Variants in FHIT observed in about 807,000 individuals in gnomAD.
The protein encoded by FHIT is bis(5'-adenosyl)-triphosphatase.
In FHIT, 19 loss-of-function variants were observed where a neutral mutation model predicts 17.9. The observed-to-expected ratio is 1.06, with a 90% CI of 0.74 to 1.56. The LOEUF is 1.56. Ranked by LOEUF, FHIT falls within the 40% of genes most tolerant of loss-of-function variation. The pLI is 0.00. For missense variants in FHIT, 248 were observed against 189.2 expected (o/e 1.31, Z -1.82); for synonymous variants, 81 against 69.7 (o/e 1.16, Z -0.81).
chr3:60,510,476 G>C (rs1390096734), intron 5 of FHIT, among the ~76,000 whole-genome samples: 3 of 152,154 alleles, frequency 2.0e-5, no homozygotes, highest in Non-Finnish European at 2.9e-5. Context: ...CATCTGCTGA[G>C]TATAATGGAC....
chr3:60,332,049 A>AAGTGCCACT (rs939934564), intron 5 of FHIT, among the ~76,000 whole-genome samples: 5 of 152,076 alleles, frequency 3.3e-5, no homozygotes, highest in African/African-American at 1.2e-4. Context: ...AAACTAGAAC[A>AAGTGCCACT]AGTGCCACTA....
intron 5 of FHIT, among the ~76,000 whole-genome samples, chr3:60,412,487 C>T (rs1273642345): frequency 6.6e-6 from 1 of 152,112 alleles, no homozygotes; most frequent in Non-Finnish European, 1.5e-5. Flanking sequence ...ATTTCCCTCT[C>T]TCTGCAGATT....
chr3:60,777,258 T>C (rs566313899), intron 4 of FHIT, among the ~76,000 whole-genome samples: 9 of 152,306 alleles, frequency 5.9e-5, no homozygotes, highest in Admixed American at 5.9e-4. Context: ...GGTCAGGGTA[T>C]AGCTTGGTTT....
intron 5 of FHIT, among the ~76,000 whole-genome samples, chr3:60,419,303 A>G (rs1441092700): frequency 2.0e-5 from 3 of 152,162 alleles, no homozygotes; most frequent in Non-Finnish European, 4.4e-5. Context: ...TCACCTCTCT[A>G]TCATTCTTAG....
intron 5 of FHIT, among the ~76,000 whole-genome samples, chr3:60,027,361 T>A (rs922353005): frequency 1.8e-4 from 28 of 152,264 alleles, no homozygotes; most frequent in African/African-American, 6.5e-4. Context: ...ATCCTAAAAT[T>A]CACTCTCATT....
chr3:61,182,869 G>C (rs2038385327), intron 2 of FHIT, among the ~76,000 whole-genome samples: 1 of 152,158 alleles, frequency 6.6e-6, no homozygotes, highest in African/African-American at 2.4e-5. Context: ...CATAGAGGAA[G>C]TCCTCTGTAC....
intron 8 of FHIT, among the ~76,000 whole-genome samples, chr3:59,848,125 C>G (rs764974869): frequency 6.6e-6 from 1 of 152,140 alleles, no homozygotes; most frequent in Non-Finnish European, 1.5e-5. Flanking sequence ...CCCACCGTGG[C>G]TCCCACAAGC....
intron 5 of FHIT, among the ~76,000 whole-genome samples, chr3:60,421,282 G>C (rs1702456027): frequency 6.6e-6 from 1 of 152,052 alleles, no homozygotes; most frequent in East Asian, 1.9e-4. Context: ...CTGATTTACT[G>C]TATCTAATCT....
intron 5 of FHIT, among the ~76,000 whole-genome samples, chr3:60,172,923 C>A (rs1186918714): frequency 2.0e-5 from 3 of 152,176 alleles, no homozygotes; most frequent in African/African-American, 7.2e-5. Context: ...AAGATTGCTA[C>A]CACATATTCT....
intron 5 of FHIT, among the ~76,000 whole-genome samples, chr3:60,526,145 C>T (rs1044974190): frequency 6.6e-6 from 1 of 151,244 alleles, no homozygotes; most frequent in Non-Finnish European, 1.5e-5. Context: ...CATACACACA[C>T]ACACACACAC....
chr3:59,772,236 T>C (rs1448732055), intron 8 of FHIT, among the ~76,000 whole-genome samples: 1 of 152,092 alleles, frequency 6.6e-6, no homozygotes, highest in African/African-American at 2.4e-5. Flanking sequence ...TTAGAAGACC[T>C]GGACTTGAGC....
At chr3:60,516,524 G>C (rs1040022214) in intron 5 of FHIT, among the ~76,000 whole-genome samples, 1 of 152,164 alleles carries the variant, frequency 6.6e-6, no homozygotes, top group Non-Finnish European at 1.5e-5. Flanking sequence ...AAGGACTCTA[G>C]AGTTAGACCA....
intron 4 of FHIT, among the ~76,000 whole-genome samples, chr3:60,588,890 A>G (rs1013152784): frequency 3.9e-5 from 6 of 152,072 alleles, no homozygotes; most frequent in Non-Finnish European, 2.9e-5. Flanking sequence ...GGAAGTCAGA[A>G]GTTTCCCAAG....
rs539192271 is a variant in FHIT at position 60,894,632 on chromosome 3, G to A, written c.-110-72621C>T. 3.4e-4 allele frequency among the ~76,000 whole-genome samples: 51 copies of A among 151,814 alleles called. 1 individual carries two copies. In the South Asian group the frequency reaches 9.8e-3, roughly 29 times the overall value. ...AGGCTCCTTGATATTCAAAGCTCTG[G>A]GGCTCGGCAAAAAATTCAAAGAGCT... On this transcript the variant is annotated intron_variant, in intron 3 of 9. Transcript: ENST00000492590.
intron 1 of FHIT, among the ~76,000 whole-genome samples, chr3:61,213,693 C>T (rs1303891773): frequency 6.6e-6 from 1 of 152,198 alleles, no homozygotes; most frequent in Non-Finnish European, 1.5e-5. Flanking sequence ...CCCAAAACAA[C>T]AGAACATACA....
At chr3:60,338,055 A>G (rs1471836827) in intron 5 of FHIT, among the ~76,000 whole-genome samples, 2 of 152,144 alleles carry the variant, frequency 1.3e-5, no homozygotes, top group Admixed American at 1.3e-4. Flanking sequence ...CCATTTATGT[A>G]GAGACCTTGA....
chr3:60,208,377 C>G (rs559131893), intron 5 of FHIT, among the ~76,000 whole-genome samples: 1 of 144,174 alleles, frequency 6.9e-6, no homozygotes, highest in Non-Finnish European at 1.6e-5. Flanking sequence ...TCACCTCCCC[C>G]CAAATTGTAA....
At chr3:60,482,863 C>A in intron 5 of FHIT, among the ~76,000 whole-genome samples, 1 of 150,272 alleles carries the variant, frequency 6.7e-6, no homozygotes, top group African/African-American at 2.5e-5. Context: ...CACAAAAAAC[C>A]CTCCAAAAAT....
intron 5 of FHIT, among the ~76,000 whole-genome samples, chr3:60,280,169 A>G (rs1707363531): frequency 1.3e-5 from 2 of 152,044 alleles, no homozygotes; most frequent in Admixed American, 1.3e-4. Flanking sequence ...AAAATCCCAC[A>G]CTCATTTATG....
Sources: gnomAD v4.1 joint callset for allele counts (sites outside exome capture counted in the v4.1 genomes callset) on GRCh38, gnomAD v4.1.1 for gene constraint, MANE v1.5 for transcripts, NCBI Gene and HGNC (gene_info 2026-07-23, HGNC 2026-07-21) for gene names.